WDR33: variants seen among roughly 807,000 people sequenced by gnomAD.
The protein encoded by WDR33 is WD repeat domain 33, also known as pre-mRNA 3' end processing protein WDR33.
A neutral mutation model predicts 164.9 loss-of-function variants in WDR33; 47 were observed. The ratio of observed to expected loss-of-function variants is 0.29; its 90% CI spans 0.23 to 0.36. The LOEUF (loss-of-function observed/expected upper bound fraction) is 0.36, where lower values mean the gene tolerates loss of function less well. Ranked by LOEUF, WDR33 falls within the 10% of genes least tolerant of loss-of-function variation. The pLI is 1.00. For synonymous variants in WDR33, 505 were observed against 589.0 expected, an observed-to-expected ratio of 0.86 and a Z score of 2.06; for missense variants, 1,137 against 1,754.1, an observed-to-expected ratio of 0.65 and a Z score of 6.28.
rs1054980916 is a variant in WDR33 at position 127,811,097 on chromosome 2, C to G, written c.-109G>C. The stretch of plus-strand genomic sequence containing the variant: ...ATGTCTCTCTTGTTTGGTCTCCCCA[C>G]CCCGATCCTCTCAATCCCGCTCCTC... On this transcript the variant is annotated 5_prime_UTR_variant, in exon 1 of 22. Transcript: ENST00000322313. This position sits in a 1 kb window ranked among gnomAD's most constrained non-coding sequence, Gnocchi z 4.1. 6.5e-6 allele frequency: 1 copy of G among 152,744 alleles called. No individual in the cohort carries two copies. The highest frequency in any genetic ancestry group is 6.5e-5 in the Admixed American group (1 of 15,288). 9.5% of individuals were successfully genotyped at this position (152,744 alleles called of 1,614,324 possible). A position where few individuals can be genotyped will look rare whatever the true frequency, so the allele number is the denominator to read the frequency against.
intron 4 of WDR33, among the ~76,000 whole-genome samples, chr2:127,765,611 A>G (rs1687797266): frequency 6.6e-6 from 1 of 152,168 alleles, no homozygotes. Flanking sequence ...ATAGACTAAC[A>G]TAAATAAGGT....
Position 127,722,131 on chromosome 2 carries a change from G to T in WDR33, c.1519-143C>A. 1.1e-6 allele frequency: 1 copy of T among 941,942 alleles called. No homozygotes were observed. Among genetic ancestry groups the T allele is most frequent in the Non-Finnish European group, 1.5e-6 (1 of 646,534 alleles). The allele number at this position is 941,942 out of a possible 1,614,324, so 58.3% of individuals were successfully genotyped here. A position where few individuals can be genotyped will look rare whatever the true frequency, so the allele number is the denominator to read the frequency against. ...TTTTTACCTTTTCTCCATGACTCAA[G>T]TACATGACTCATGCTAATTCTTACT... is the stretch of plus-strand genomic sequence containing the variant. On this transcript the variant is annotated intron_variant, in intron 14 of 21. Transcript: ENST00000322313. This position sits in a 1 kb window ranked among gnomAD's most constrained non-coding sequence, Gnocchi z 5.1.
At chr2:127,797,495 C>CA (rs1689080707) in intron 1 of WDR33, among the ~76,000 whole-genome samples, 1 of 151,886 alleles carries the variant, frequency 6.6e-6, no homozygotes, top group African/African-American at 2.4e-5. Context: ...ACGTCACACA[C>CA]AAAAAAAGAT....
In WDR33 at chr2:127,706,711, C is replaced by T. The variant is rs1326943170; in HGVS notation, c.3782-159G>A. Reference sequence around the variant, plus strand: ...AGCGTACTGAGAGGTGTGCCTCTACCCTTTCCTGACCCTGCCTCCCCCTTC... The same window carrying T: ...AGCGTACTGAGAGGTGTGCCTCTACTCTTTCCTGACCCTGCCTCCCCCTTC... On this transcript the variant is annotated intron_variant, in intron 21 of 21. Coordinates refer to ENST00000322313, the MANE Select transcript of WDR33 (RefSeq NM_018383.5). This position sits in a 1 kb window ranked among gnomAD's most constrained non-coding sequence, Gnocchi z 5.1. Among the ~76,000 whole-genome samples the T allele has an allele frequency of 6.6e-6, 1 of 152,188 alleles. No homozygotes were observed. Among genetic ancestry groups the T allele is most frequent in the Non-Finnish European group, 1.5e-5 (1 of 68,046 alleles).
chr2:127,800,489 T>A (rs1689195812), intron 1 of WDR33, among the ~76,000 whole-genome samples: 1 of 151,880 alleles, frequency 6.6e-6, no homozygotes, highest in African/African-American at 2.4e-5. Context: ...TCAAAAAAAT[T>A]AGCCAGGCGT....
At chr2:127,785,462 CTCTA>C (rs937663979) in intron 1 of WDR33, among the ~76,000 whole-genome samples, 1 of 152,170 alleles carries the variant, frequency 6.6e-6, no homozygotes, top group African/African-American at 2.4e-5. Context: ...AAATCCTCTG[CTCTA>C]TCTATTCATC....
At chr2:127,807,660 C>T (rs1375638755) in intron 1 of WDR33, among the ~76,000 whole-genome samples, 1 of 152,158 alleles carries the variant, frequency 6.6e-6, no homozygotes. Context: ...AAGGAGAATA[C>T]AATCTAGGCA....
intron 2 of WDR33, among the ~76,000 whole-genome samples, chr2:127,769,511 C>T (rs999278990): frequency 6.6e-6 from 1 of 152,220 alleles, no homozygotes; most frequent in Non-Finnish European, 1.5e-5. Flanking sequence ...AAGATACTGT[C>T]GACTCCAACA....
chr2:127,769,319 C>G (rs1317303146), intron 2 of WDR33, among the ~76,000 whole-genome samples: 1 of 151,980 alleles, frequency 6.6e-6, no homozygotes, highest in South Asian at 2.1e-4. Flanking sequence ...GAAACCCTGT[C>G]TCTACTAAAA....
In WDR33 at chr2:127,712,133, C is replaced by T. The variant is rs1278639174; in HGVS notation, c.3308+1450G>A. 2.0e-5 allele frequency among the ~76,000 whole-genome samples: 3 copies of T among 152,014 alleles called. No individual in the cohort carries two copies. Among genetic ancestry groups the T allele is most frequent in the Non-Finnish European group, 2.9e-5 (2 of 67,984 alleles). ...TGAAAGGACCAGGCGCAGTGGCTCACGCCTATAATCCCTGCACTCTGGGGG... is the reference window on the plus strand; with the variant it reads ...TGAAAGGACCAGGCGCAGTGGCTCATGCCTATAATCCCTGCACTCTGGGGG... On this transcript the variant is annotated intron_variant, in intron 18 of 21. Transcript: ENST00000322313. The surrounding 1 kb of genome is among the most constrained non-coding windows in gnomAD (Gnocchi z 4.0).
Position 127,704,101 on chromosome 2 carries a change from G to A in WDR33, c.*2222C>T, listed in dbSNP as rs1223797911. On this transcript the variant is annotated 3_prime_UTR_variant, in exon 22 of 22. Transcript: ENST00000322313. ...ATCACACCACTGCACCACAGCCTAG[G>A]CAACAGCGAGACCTTGTCTCAAAAA... The A allele has an allele frequency of 1.2e-5, 2 of 166,536 alleles. No individual in the cohort carries two copies. The highest frequency in any genetic ancestry group is 4.8e-5 in the African/African-American group (2 of 41,352). The allele number at this position is 166,536 out of a possible 1,614,324, so 10.3% of individuals were successfully genotyped here. A position where few individuals can be genotyped will look rare whatever the true frequency, so the allele number is the denominator to read the frequency against.
In WDR33 at chr2:127,714,651, T is replaced by C. The variant is rs1029927805; in HGVS notation, c.2870-630A>G. ...ATGTTGTTCCTCATCTACAATATTC[T>C]CACCATTCTTTGAAGACAGTGTTTG... On this transcript the variant is annotated intron_variant, in intron 17 of 21. Coordinates refer to ENST00000322313, the MANE Select transcript of WDR33 (RefSeq NM_018383.5). This position sits in a 1 kb window ranked among gnomAD's most constrained non-coding sequence, Gnocchi z 4.3. 1.3e-5 allele frequency among the ~76,000 whole-genome samples: 2 copies of C among 152,250 alleles called. No individual in the cohort carries two copies. Among genetic ancestry groups the C allele is most frequent in the African/African-American group, 4.8e-5 (2 of 41,464 alleles).
At chr2:127,737,326 G>T in intron 7 of WDR33, 3 of 985,404 alleles carry the variant, frequency 3.0e-6, no homozygotes, top group Non-Finnish European at 3.6e-6. Context: ...AGCAAAGTCC[G>T]CTGTAAGAAA....
Position 127,717,338 on chromosome 2 carries a change from T to C in WDR33, c.2761-75A>G, listed in dbSNP as rs775339782. ...CATAAATAGTGATTGCATTATAACA[T>C]GACAAGATAAAAATACCCAGTAAAT... is the stretch of plus-strand genomic sequence containing the variant. On this transcript the variant is annotated intron_variant, in intron 16 of 21. Coordinates refer to ENST00000322313, the MANE Select transcript of WDR33 (RefSeq NM_018383.5). The surrounding 1 kb of genome is among the most constrained non-coding windows in gnomAD (Gnocchi z 5.6). The C allele has an allele frequency of 8.0e-7, 1 of 1,250,094 alleles. No individual in the cohort carries two copies. The highest frequency in any genetic ancestry group is 1.1e-6 in the Non-Finnish European group (1 of 930,178). The allele number at this position is 1,250,094 out of a possible 1,614,324, so 77.4% of individuals were successfully genotyped here.
chr2:127,765,326 C>T (rs1687789418), intron 4 of WDR33, 57 bp from the exon 5 acceptor site: 4 of 1,275,868 alleles, frequency 3.1e-6, no homozygotes, highest in South Asian at 2.6e-5. Flanking sequence ...TTTTGAAAAA[C>T]ATATTAAAGG....
chr2:127,701,385 G>A lies in WDR33; in HGVS notation c.*4938C>T. 1.3e-6 allele frequency: 1 copy of A among 788,806 alleles called. No individual in the cohort carries two copies. The highest frequency in any genetic ancestry group is 1.7e-6 in the Non-Finnish European group (1 of 587,710). The allele number at this position is 788,806 out of a possible 1,614,324, so 48.9% of individuals were successfully genotyped here. A position where few individuals can be genotyped will look rare whatever the true frequency, so the allele number is the denominator to read the frequency against. ...TGGGGACACCACAAAAGTCCGCAGA[G>A]CAGGCACCGCGGCACTTCCGCGAGC... On this transcript the variant is annotated 3_prime_UTR_variant, in exon 22 of 22. Transcript: ENST00000322313.
intron 7 of WDR33, among the ~76,000 whole-genome samples, chr2:127,752,138 G>A (rs1687384045): frequency 6.6e-6 from 1 of 152,190 alleles, no homozygotes; most frequent in African/African-American, 2.4e-5. Flanking sequence ...ACTCATCCAA[G>A]ATGGCAAAAA....
At chr2:127,790,772 G>C (rs1688815689) in intron 1 of WDR33, among the ~76,000 whole-genome samples, 1 of 151,960 alleles carries the variant, frequency 6.6e-6, no homozygotes, top group Non-Finnish European at 1.5e-5. Flanking sequence ...CCCACACCCA[G>C]CTTGAATTCG....
rs559458912 is a variant in WDR33, at chr2:127,763,534, C to T, written c.627-375G>A. On this transcript the variant is annotated intron_variant, in intron 6 of 21. Transcript: ENST00000322313. The surrounding 1 kb of genome is among the most constrained non-coding windows in gnomAD (Gnocchi z 4.5). ...TTCCTGCAGTCTTTTAAATCACACA[C>T]GAATACTGCTCCCAAAATTATCATC... 8 of 1,028,190 alleles carry T rather than the reference C, an allele frequency of 7.8e-6. No homozygotes were observed. The East Asian group carries it at 2.7e-4, about 35-fold the overall frequency. 63.7% of individuals were successfully genotyped at this position (1,028,190 alleles called of 1,614,324 possible).
Sources: gnomAD v4.1 joint callset for allele counts (sites outside exome capture counted in the v4.1 genomes callset) on GRCh38, gnomAD v4.1.1 for gene constraint, Gnocchi (gnomAD v3.1) non-coding constraint, MANE v1.5 for transcripts, NCBI Gene and HGNC (gene_info 2026-07-23, HGNC 2026-07-21) for gene names.